CFAP100: variants seen among roughly 807,000 people sequenced by gnomAD.
The protein encoded by CFAP100 is cilia- and flagella-associated protein 100.
In CFAP100, 70 loss-of-function variants were observed where a neutral mutation model predicts 81.5. That is an observed-to-expected ratio of 0.86 (90% CI 0.71 to 1.05). CFAP100 has a LOEUF of 1.05. Among genes scored for constraint, CFAP100 ranks in the 50% least tolerant of loss-of-function variants. CFAP100 has a pLI of 0.00. For synonymous variants in CFAP100, 341 were observed against 314.8 expected (o/e 1.08, Z -0.88); for missense variants, 811 against 776.5 (o/e 1.04, Z -0.53).
intron 13 of CFAP100, among the ~76,000 whole-genome samples, chr3:126,430,098 A>C (rs1933151643): frequency 6.6e-6 from 1 of 151,966 alleles, no homozygotes; most frequent in Non-Finnish European, 1.5e-5. Context: ...TTTATCTTTG[A>C]CTCTAGATAA....
intron 13 of CFAP100, among the ~76,000 whole-genome samples, chr3:126,424,103 G>A (rs978356818): frequency 2.6e-5 from 4 of 152,246 alleles, no homozygotes; most frequent in African/African-American, 7.2e-5. Flanking sequence ...GCGGGTGTTC[G>A]CGGCACAGAA....
chr3:126,421,923 T>C (rs1450600456), intron 11 of CFAP100, among the ~76,000 whole-genome samples: 1 of 152,206 alleles, frequency 6.6e-6, no homozygotes. Context: ...GAGGTTCTAA[T>C]GTATGCAGTG....
rs1478856700 is a variant in CFAP100, at chr3:126,423,620, C to T, written c.1262C>T (p.Thr421Ile). 6.2e-7 allele frequency: 1 copy of T among 1,614,210 alleles called. No individual in the cohort carries two copies. The change falls in exon 13 of 17, where the codon ACC becomes ATC. Residue 421 changes from threonine (T) to isoleucine (I), a missense_variant. Coordinates refer to ENST00000352312, the MANE Select transcript of CFAP100 (RefSeq NM_182628.3). ...TEKTLEELSH[T>I]LKHTQIRMDR... ...AAGACCCTGGAGGAGCTGAGCCACA[C>T]CCTGAAACACACCCAGATCCGCATG...
chr3:126,415,944 G>A (rs950488348), intron 4 of CFAP100, among the ~76,000 whole-genome samples: 1 of 152,318 alleles, frequency 6.6e-6, no homozygotes, highest in South Asian at 2.1e-4. Flanking sequence ...GTAGTCTTCG[G>A]GAACCCCAGA....
intron 3 of CFAP100, among the ~76,000 whole-genome samples, chr3:126,409,571 T>G (rs2083122649): frequency 6.6e-6 from 1 of 152,260 alleles, no homozygotes; most frequent in South Asian, 2.1e-4. Flanking sequence ...AACAGGCATA[T>G]GACTTCCAGT....
intron 3 of CFAP100, among the ~76,000 whole-genome samples, chr3:126,410,299 A>C (rs1243542965): frequency 6.6e-6 from 1 of 152,008 alleles, no homozygotes; most frequent in East Asian, 1.9e-4. Context: ...CTCTTTAGTG[A>C]CCCCCAAGGT....
intron 2 of CFAP100, among the ~76,000 whole-genome samples, chr3:126,401,405 A>T (rs1262505104): frequency 1.8e-5 from 1 of 55,034 alleles, no homozygotes; most frequent in Non-Finnish European, 3.6e-5. Context: ...TTTTATATAT[A>T]TATATATATA....
At chr3:126,398,542 T>G (rs2082924643) in intron 2 of CFAP100, among the ~76,000 whole-genome samples, 1 of 152,156 alleles carries the variant, frequency 6.6e-6, no homozygotes, top group Non-Finnish European at 1.5e-5. Flanking sequence ...TCCCCCACAA[T>G]GGGAGCATTC....
intron 11 of CFAP100, among the ~76,000 whole-genome samples, chr3:126,422,497 A>C (rs1427443800): frequency 6.6e-6 from 1 of 150,702 alleles, no homozygotes; most frequent in Non-Finnish European, 1.5e-5. Context: ...AGCCCCCCCC[A>C]CCTCAGTCAG....
chr3:126,426,838 A>T (rs369194134), intron 13 of CFAP100, among the ~76,000 whole-genome samples: 2 of 152,348 alleles, frequency 1.3e-5, no homozygotes, highest in South Asian at 2.1e-4. Flanking sequence ...CAAGATTAAC[A>T]TACAAAAGTC....
intron 1 of CFAP100, among the ~76,000 whole-genome samples, chr3:126,395,709 C>T (rs2082877637): frequency 6.6e-6 from 1 of 152,138 alleles, no homozygotes; most frequent in African/African-American, 2.4e-5. Flanking sequence ...GCCGAGGAGG[C>T]CGAAAATGCA....
chr3:126,432,849 TGTTTA>T, intron 13 of CFAP100: 1 of 423,118 alleles, frequency 2.4e-6, no homozygotes, highest in Non-Finnish European at 4.2e-6. Context: ...TCAATGAAGC[TGTTTA>T]TTTTCTTTAA....
At chr3:126,426,454 T>TAAAA (rs67227509) in intron 13 of CFAP100, among the ~76,000 whole-genome samples, 2 of 132,868 alleles carry the variant, frequency 1.5e-5, no homozygotes, top group Non-Finnish European at 1.6e-5. Flanking sequence ...GACCCTGTCT[T>TAAAA]AAAAAAAAAA....
chr3:126,427,479 GGT>G (rs1231660129), intron 13 of CFAP100, among the ~76,000 whole-genome samples: 4 of 151,812 alleles, frequency 2.6e-5, no homozygotes, highest in African/African-American at 9.7e-5. Flanking sequence ...ACTGGTGTCT[GGT>G]CTCTTTCCCT....
intron 4 of CFAP100, among the ~76,000 whole-genome samples, chr3:126,415,687 G>GTGGGAGGGGGTGTGGAGC (rs1247160873): frequency 6.6e-6 from 1 of 152,204 alleles, no homozygotes; most frequent in Non-Finnish European, 1.5e-5. Flanking sequence ...GTGCAGAAAA[G>GTGGGAGGGGGTGTGGAGC]TGGGAGGGGG....
At chr3:126,422,494 C>A (rs569121012) in intron 11 of CFAP100, among the ~76,000 whole-genome samples, 1 of 152,302 alleles carries the variant, frequency 6.6e-6, no homozygotes, top group South Asian at 2.1e-4. Flanking sequence ...CGCAGCCCCC[C>A]CCACCTCAGT....
At chr3:126,423,259 C>T (rs1423280598) in intron 11 of CFAP100, 66 bp from the exon 12 acceptor site, 2 of 1,356,120 alleles carry the variant, frequency 1.5e-6, no homozygotes, top group Non-Finnish European at 2.0e-6. Flanking sequence ...GACCTCTGTG[C>T]CCCCTCCCCT....
chr3:126,418,373 C>T (rs1289812636), intron 5 of CFAP100, 85 bp from the exon 6 acceptor site: 21 of 1,237,104 alleles, frequency 1.7e-5, no homozygotes, highest in South Asian at 9.7e-5. Context: ...GGCCAGCAGC[C>T]GGTGGAAGGC....
intron 3 of CFAP100, among the ~76,000 whole-genome samples, chr3:126,408,842 G>A (rs2107594126): frequency 6.6e-6 from 1 of 152,336 alleles, no homozygotes; most frequent in Non-Finnish European, 1.5e-5. Context: ...AGGTGCAGGT[G>A]CAGTCGTTCG....
Sources: allele counts gnomAD v4.1 joint callset (sites outside exome capture counted in the v4.1 genomes callset), GRCh38; gene constraint gnomAD v4.1.1; transcripts MANE v1.5; gene names NCBI Gene and HGNC (gene_info 2026-07-23, HGNC 2026-07-21).